Variants in LRRN3 observed in about 807,000 individuals in gnomAD.
LRRN3 encodes leucine-rich repeat neuronal protein 3.
Under a neutral mutation model 40.1 loss-of-function variants are expected in LRRN3, and 15 were observed. The observed-to-expected ratio is 0.37, with a 90% confidence interval of 0.25 to 0.58. LRRN3 has a LOEUF of 0.58. Among genes scored for constraint, LRRN3 ranks in the 20% least tolerant of loss-of-function variants. The pLI, the probability that LRRN3 is intolerant of heterozygous loss-of-function variation, is 0.72. For synonymous variants in LRRN3, 308 were observed against 297.2 expected, an observed-to-expected ratio of 1.04 and a Z score of -0.37; for missense variants, 746 against 837.7, an observed-to-expected ratio of 0.89 and a Z score of 1.35.
At chr7:111,108,894 A>G (rs779194242) in intron 2 of LRRN3, among the ~76,000 whole-genome samples, 3 of 152,322 alleles carry the variant, frequency 2.0e-5, no homozygotes, top group Non-Finnish European at 4.4e-5. Context: ...CATTCAGTAG[A>G]TATTTATTGA....
At chr7:111,093,425 A>C (rs960516244) in intron 1 of LRRN3, among the ~76,000 whole-genome samples, 1 of 152,224 alleles carries the variant, frequency 6.6e-6, no homozygotes, top group African/African-American at 2.4e-5. Flanking sequence ...AGAGGAAAAG[A>C]CTTGAAGTAG....
chr7:111,121,211 T>C (rs2129588198), intron 2 of LRRN3, among the ~76,000 whole-genome samples: 1 of 152,220 alleles, frequency 6.6e-6, no homozygotes. Flanking sequence ...TTGTTTGTTT[T>C]TTTCTTGTAA....
intron 2 of LRRN3, among the ~76,000 whole-genome samples, chr7:111,109,189 C>T (rs1184261626): frequency 9.2e-5 from 14 of 152,046 alleles, no homozygotes; most frequent in Admixed American, 8.5e-4. Context: ...ATGTGTAAAA[C>T]ATTTTCAGTA....
chr7:111,105,753 G>A (rs1021210295), intron 2 of LRRN3, among the ~76,000 whole-genome samples: 12 of 151,508 alleles, frequency 7.9e-5, no homozygotes, highest in Admixed American at 7.3e-4. Flanking sequence ...TATGCAAAAG[G>A]TGAAAAGAAA....
Position 111,122,576 on chromosome 7 carries a change from C to A in LRRN3, c.-197C>A. 1 of 564,988 alleles carries A rather than the reference C, an allele frequency of 1.8e-6. No homozygotes were observed. Among genetic ancestry groups the A allele is most frequent in the South Asian group, 2.5e-5 (1 of 39,982 alleles). The allele number at this position is 564,988 out of a possible 1,614,324, so 35.0% of individuals were successfully genotyped here. ...TAAGGAAATAGTAACCTTCTCTTCT[C>A]CAATATGCATGACATTTTTGGACAA... On this transcript the variant is annotated 5_prime_UTR_variant, in exon 3 of 3. Transcript: ENST00000308478.
chr7:111,118,127 T>C (rs214870), intron 2 of LRRN3, among the ~76,000 whole-genome samples: 13,418 of 152,156 alleles, frequency 0.088, 1,349 homozygotes, highest in African/African-American at 0.25. Flanking sequence ...CACATTTTTA[T>C]TGTAAATCAA....
intron 2 of LRRN3, among the ~76,000 whole-genome samples, chr7:111,115,524 G>A (rs1799773263): frequency 6.6e-6 from 1 of 151,828 alleles, no homozygotes; most frequent in Non-Finnish European, 1.5e-5. Flanking sequence ...CCCCCCCTCT[G>A]TAAAAGAAAA....
intron 2 of LRRN3, among the ~76,000 whole-genome samples, chr7:111,113,525 T>G (rs1374597814): frequency 6.6e-6 from 1 of 152,154 alleles, no homozygotes; most frequent in South Asian, 2.1e-4. Flanking sequence ...ACTTCATTTA[T>G]TTTTTTCTTT....
chr7:111,112,024 T>C (rs945868595), intron 2 of LRRN3, among the ~76,000 whole-genome samples: 1 of 142,504 alleles, frequency 7.0e-6, no homozygotes, highest in African/African-American at 2.6e-5. Context: ...CTCGGCTCAC[T>C]GCAACCTCTG....
At chr7:111,109,837 CTTAAAA>C (rs1798986042) in intron 2 of LRRN3, among the ~76,000 whole-genome samples, 1 of 152,058 alleles carries the variant, frequency 6.6e-6, no homozygotes, top group African/African-American at 2.4e-5. Flanking sequence ...GGAAAGGGCC[CTTAAAA>C]AGTCTTCAGG....
At chr7:111,100,857 G>C (rs896017631) in intron 2 of LRRN3, among the ~76,000 whole-genome samples, 3 of 151,524 alleles carry the variant, frequency 2.0e-5, no homozygotes, top group African/African-American at 7.3e-5. Flanking sequence ...TAAATATCTT[G>C]CAAATTGAAC....
chr7:111,120,153 A>G lies in LRRN3; in HGVS notation c.-358-2262A>G, dbSNP rs186180543. On this transcript the variant is annotated intron_variant, in intron 2 of 2. Coordinates refer to ENST00000308478, the MANE Select transcript of LRRN3 (RefSeq NM_001099658.2). Reference sequence around the variant, plus strand: ...TGTTGGAAATGATTATATTTCAAAGACACTGGTATAGATTTAAAAGAAAAA... The same window carrying G: ...TGTTGGAAATGATTATATTTCAAAGGCACTGGTATAGATTTAAAAGAAAAA... Among the ~76,000 whole-genome samples, 143 of 152,268 alleles carry G rather than the reference A, an allele frequency of 9.4e-4. 1 individual carries two copies. The highest frequency in any genetic ancestry group is 3.3e-3 in the African/African-American group (136 of 41,554).
intron 2 of LRRN3, among the ~76,000 whole-genome samples, chr7:111,107,368 C>A (rs1349988794): frequency 6.6e-6 from 1 of 152,024 alleles, no homozygotes; most frequent in Non-Finnish European, 1.5e-5. Context: ...CTGTTGTAAA[C>A]AGTTTAGATT....
intron 2 of LRRN3, among the ~76,000 whole-genome samples, chr7:111,107,257 G>C (rs1163282319): frequency 6.6e-6 from 1 of 151,670 alleles, no homozygotes; most frequent in Non-Finnish European, 1.5e-5. Flanking sequence ...TTGAAGAAAA[G>C]TTTTTATATA....
intron 2 of LRRN3, among the ~76,000 whole-genome samples, chr7:111,120,452 C>T (rs1301308290): frequency 6.6e-6 from 1 of 152,054 alleles, no homozygotes; most frequent in African/African-American, 2.4e-5. Context: ...GGGGAAACTG[C>T]CCCCATGATT....
At chr7:111,116,617 C>T (rs575931088) in intron 2 of LRRN3, among the ~76,000 whole-genome samples, 43 of 152,080 alleles carry the variant, frequency 2.8e-4, no homozygotes, top group South Asian at 8.3e-4. Context: ...AAATTTAGTG[C>T]ATATTTTGTG....
intron 2 of LRRN3, among the ~76,000 whole-genome samples, chr7:111,112,490 A>G (rs2129584153): frequency 6.6e-6 from 1 of 152,330 alleles, no homozygotes; most frequent in African/African-American, 2.4e-5. Flanking sequence ...AAGATGCACA[A>G]ACATGCACAC....
Position 111,123,148 on chromosome 7 carries a change from A to G in LRRN3, c.376A>G (p.Asn126Asp), listed in dbSNP as rs1800856652. The G allele has an allele frequency of 6.2e-7, 1 of 1,613,872 alleles. No homozygotes were observed. The change falls in exon 3 of 3, where the codon AAC becomes GAC. Residue 126 changes from asparagine (N) to aspartate (D), a missense_variant. Physicochemically the swap from Asn to Asp is conservative, Grantham distance 23 (BLOSUM62 1). Transcript: ENST00000308478. The surrounding 1 kb of genome is among the most constrained non-coding windows in gnomAD (Gnocchi z 6.4). ...PQLLSVYLEE[N>D]KLTELPEKCL... Reference sequence around the variant, plus strand: ...GCTCCTTTCTGTGTACCTAGAGGAAAACAAACTTACTGAACTGCCTGAAAA... The same window carrying G: ...GCTCCTTTCTGTGTACCTAGAGGAAGACAAACTTACTGAACTGCCTGAAAA...
intron 1 of LRRN3, among the ~76,000 whole-genome samples, chr7:111,098,659 C>T (rs1797651521): frequency 2.0e-5 from 3 of 151,722 alleles, no homozygotes; most frequent in Admixed American, 2.0e-4. Context: ...ACTTAACATA[C>T]ATTTTCTCAT....
Sources: allele counts gnomAD v4.1 joint callset (sites outside exome capture counted in the v4.1 genomes callset), GRCh38; gene constraint gnomAD v4.1.1; non-coding constraint Gnocchi (gnomAD v3.1); transcripts MANE v1.5; gene names NCBI Gene and HGNC (gene_info 2026-07-23, HGNC 2026-07-21).